TIAM1: variants seen among roughly 807,000 people sequenced by gnomAD.
TIAM1 encodes the protein TIAM Rac1 associated GEF 1, also known as rho guanine nucleotide exchange factor TIAM1.
TIAM1 carries 65 observed loss-of-function variants against 163.5 expected under a neutral mutation model. The ratio of observed to expected loss-of-function variants is 0.40; its 90% CI spans 0.33 to 0.49. The LOEUF (loss-of-function observed/expected upper bound fraction) is 0.49, where lower values mean the gene tolerates loss of function less well. TIAM1 is among the 20% of genes least tolerant of loss of function. The pLI is 0.77. For missense variants in TIAM1, 1,789 were observed against 2,044.7 expected (o/e 0.87, Z 2.41); for synonymous variants, 833 against 810.1 (o/e 1.03, Z -0.48).
chr21:31,217,827 A>C, intron 8 of TIAM1, 128 bp from the exon 9 acceptor site: 3 of 1,076,466 alleles, frequency 2.8e-6, no homozygotes, highest in Non-Finnish European at 3.9e-6. Context: ...CCTGACCCCA[A>C]TGCCTAAAGT....
intron 2 of TIAM1, among the ~76,000 whole-genome samples, chr21:31,313,550 T>C (rs2075004986): frequency 6.6e-6 from 1 of 152,318 alleles, no homozygotes; most frequent in East Asian, 1.9e-4. Flanking sequence ...CAAAATAATT[T>C]ATTAAAAAAT....
intron 2 of TIAM1, among the ~76,000 whole-genome samples, chr21:31,365,217 G>A (rs544715176): frequency 6.6e-6 from 1 of 152,160 alleles, no homozygotes; most frequent in South Asian, 2.1e-4. Context: ...CTCCCCAGCA[G>A]ATCCTGGGAA....
intron 6 of TIAM1, among the ~76,000 whole-genome samples, chr21:31,240,721 G>C (rs1486653940): frequency 6.6e-6 from 1 of 152,176 alleles, no homozygotes; most frequent in Non-Finnish European, 1.5e-5. Context: ...CAATTGTTTA[G>C]CACTACAGTC....
chr21:31,125,459 T>C (rs184903083), intron 26 of TIAM1, among the ~76,000 whole-genome samples: 8 of 152,312 alleles, frequency 5.3e-5, no homozygotes, highest in African/African-American at 9.6e-5. Flanking sequence ...ATTTCACTTA[T>C]AGTCCTGACA....
chr21:31,375,926 C>A (rs1297156668), intron 2 of TIAM1, among the ~76,000 whole-genome samples: 1 of 151,952 alleles, frequency 6.6e-6, no homozygotes, highest in Non-Finnish European at 1.5e-5. Context: ...ACTCGGGAGG[C>A]TGAGGCAGGA....
At chr21:31,351,005 C>T (rs140304151) in intron 2 of TIAM1, among the ~76,000 whole-genome samples, 138 of 152,278 alleles carry the variant, frequency 9.1e-4, no homozygotes, top group African/African-American at 3.1e-3. Flanking sequence ...GATGAGAATC[C>T]ACTTGTCTTG....
At chr21:31,277,155 G>A (rs1441137211) in intron 2 of TIAM1, among the ~76,000 whole-genome samples, 1 of 152,210 alleles carries the variant, frequency 6.6e-6, no homozygotes, top group Non-Finnish European at 1.5e-5. Flanking sequence ...GGATGAGGCA[G>A]GAGGTCAGCA....
At chr21:31,156,706 A>G (rs754030070) in intron 16 of TIAM1, among the ~76,000 whole-genome samples, 3 of 152,190 alleles carry the variant, frequency 2.0e-5, no homozygotes, top group African/African-American at 2.4e-5. Context: ...ACTCATTATA[A>G]CACAGTCATA....
chr21:31,552,540 G>A lies in TIAM1; in HGVS notation c.-422+6387C>T, dbSNP rs368527602. On this transcript the variant is annotated intron_variant, in intron 1 of 28. Coordinates refer to the TIAM1 transcript ENST00000286827. ...TGTAATCCCAGCACTTTGGGAGGCC[G>A]GGGCAGGCAGATCACCTGAGGTCAG... is the stretch of plus-strand genomic sequence containing the variant. Among the ~76,000 whole-genome samples, 33 of 152,194 alleles carry A rather than the reference G, an allele frequency of 2.2e-4. No homozygotes were observed. The East Asian group carries it at 5.8e-3, about 27-fold the overall frequency.
chr21:31,336,213 T>A (rs2075833828), intron 2 of TIAM1, among the ~76,000 whole-genome samples: 1 of 152,332 alleles, frequency 6.6e-6, no homozygotes, highest in East Asian at 1.9e-4. Flanking sequence ...CATATTTCTG[T>A]TATCTTTCGA....
chr21:31,220,683 G>C (rs2087507490), intron 8 of TIAM1, among the ~76,000 whole-genome samples: 1 of 152,114 alleles, frequency 6.6e-6, no homozygotes, highest in South Asian at 2.1e-4. Flanking sequence ...TTGGGGCCTT[G>C]TAAACTGCAA....
At chr21:31,316,370 C>T (rs750245259) in intron 2 of TIAM1, among the ~76,000 whole-genome samples, 5 of 152,064 alleles carry the variant, frequency 3.3e-5, no homozygotes, top group African/African-American at 7.2e-5. Context: ...AGGTTTATAC[C>T]GATTGAGACA....
intron 12 of TIAM1, among the ~76,000 whole-genome samples, chr21:31,196,123 C>G (rs2085837841): frequency 2.6e-5 from 4 of 152,030 alleles, no homozygotes; most frequent in African/African-American, 9.7e-5. Context: ...GGGCACTTCT[C>G]AAGATAAGAC....
At chr21:31,334,462 A>C (rs141050259) in intron 2 of TIAM1, among the ~76,000 whole-genome samples, 301 of 152,160 alleles carry the variant, frequency 2.0e-3, no homozygotes, top group African/African-American at 6.9e-3. Flanking sequence ...GTTCTTCATC[A>C]ATGCTTCAGT....
chr21:31,136,253 CCATA>C (rs1205245727), intron 22 of TIAM1, among the ~76,000 whole-genome samples: 6 of 152,176 alleles, frequency 3.9e-5, no homozygotes, highest in Non-Finnish European at 5.9e-5. Flanking sequence ...ATGTTGTACA[CCATA>C]AATATATAAA....
chr21:31,354,973 C>G (rs974119105), intron 2 of TIAM1, among the ~76,000 whole-genome samples: 1 of 152,150 alleles, frequency 6.6e-6, no homozygotes, highest in African/African-American at 2.4e-5. Context: ...GCTTATGATT[C>G]AGACTTCTCA....
At chr21:31,445,162 TA>T (rs1264506026) in intron 2 of TIAM1, among the ~76,000 whole-genome samples, 1 of 48,384 alleles carries the variant, frequency 2.1e-5, no homozygotes, top group East Asian at 1.2e-3. Flanking sequence ...TGTCGCAGGC[TA>T]ATGTGAGAAA....
chr21:31,413,264 CTTTTTTTTTTTT>C (rs397866519), intron 2 of TIAM1, among the ~76,000 whole-genome samples: 3 of 87,876 alleles, frequency 3.4e-5, no homozygotes, highest in East Asian at 3.7e-4. Context: ...CTTTTCTTTT[CTTTTTTTTTTTT>C]TTTTTTTTTT....
intron 6 of TIAM1, among the ~76,000 whole-genome samples, chr21:31,227,618 G>A (rs1171052077): frequency 5.3e-5 from 8 of 152,098 alleles, no homozygotes; most frequent in Non-Finnish European, 7.4e-5. Context: ...TAAAGAAACC[G>A]GAAGCCACAG....
Sources: allele counts gnomAD v4.1 joint callset (sites outside exome capture counted in the v4.1 genomes callset), GRCh38; gene constraint gnomAD v4.1.1; transcripts MANE v1.5; gene names NCBI Gene and HGNC (gene_info 2026-07-23, HGNC 2026-07-21).